INTS6: variants seen among roughly 807,000 people sequenced by gnomAD.
INTS6 encodes DEAD box protein.
Under a neutral mutation model 104.9 loss-of-function variants are expected in INTS6, and 16 were observed. The ratio of observed to expected loss-of-function variants is 0.15; its 90% CI spans 0.10 to 0.23. The LOEUF (loss-of-function observed/expected upper bound fraction) is 0.23. Among genes scored for constraint, INTS6 ranks in the 10% least tolerant of loss-of-function variants. INTS6 has a pLI of 1.00. For missense variants in INTS6, 584 were observed against 1,062.8 expected (o/e 0.55, Z 6.26); for synonymous variants, 324 against 358.7 (o/e 0.90, Z 1.09).
intron 15 of INTS6, among the ~76,000 whole-genome samples, chr13:51,371,961 T>C (rs1488059747): frequency 6.6e-6 from 1 of 152,160 alleles, no homozygotes; most frequent in Admixed American, 6.6e-5. Context: ...TTCTCAGTAA[T>C]TTTGTGCTGA....
At chr13:51,418,454 C>T (rs752644424) in intron 4 of INTS6, among the ~76,000 whole-genome samples, 2 of 151,628 alleles carry the variant, frequency 1.3e-5, no homozygotes, top group Non-Finnish European at 2.9e-5. Context: ...AGAAGGTTCT[C>T]CTCATATCAT....
At chr13:51,402,302 A>T (rs1359815940) in intron 4 of INTS6, among the ~76,000 whole-genome samples, 1 of 152,198 alleles carries the variant, frequency 6.6e-6, no homozygotes. Context: ...ATAAGATTGT[A>T]TGTTAGGAGA....
At position 51,365,504 on chromosome 13, in the gene INTS6, T is replaced by G. The variant is rs550409526; in HGVS notation, c.*248A>C. ...CAAGAGTCAATGACAAGCAAGAGAT[T>G]TGGAGGAATATTTTTAGTTTGTTAA... is the stretch of plus-strand genomic sequence containing the variant. On this transcript the variant is annotated 3_prime_UTR_variant, in exon 18 of 18. Coordinates refer to ENST00000311234, the MANE Select transcript of INTS6 (RefSeq NM_012141.3). The G allele has an allele frequency of 9.0e-6, 2 of 222,210 alleles. No individual in the cohort carries two copies. Among genetic ancestry groups the G allele is most frequent in the Non-Finnish European group, 1.8e-5 (2 of 111,424 alleles). The allele number at this position is 222,210 out of a possible 1,614,324, so 13.8% of individuals were successfully genotyped here. A position where few individuals can be genotyped will look rare whatever the true frequency, so the allele number is the denominator to read the frequency against.
At chr13:51,354,591 GA>G (rs11318595) in intron 3 of INTS6, among the ~76,000 whole-genome samples, 23,256 of 129,904 alleles carry the variant, frequency 0.18, 1,787 homozygotes, top group South Asian at 0.26. Context: ...CCCCATCTCA[GA>G]AAAAAAAAAA....
chr13:51,336,204 C>T, the INTS6 span, among the ~76,000 whole-genome samples: 1 of 152,162 alleles, frequency 6.6e-6, no homozygotes, highest in Non-Finnish European at 1.5e-5. Context: ...AAACATACTT[C>T]CAGTTGGATG....
chr13:51,340,778 G>T, the INTS6 span: 1,713 of 462,394 alleles, frequency 3.7e-3, 24 homozygotes, highest in African/African-American at 0.029. Context: ...CTTCTGATCT[G>T]ACCAGGGCTT....
chr13:51,430,053 T>C (rs1454597634), intron 4 of INTS6, among the ~76,000 whole-genome samples: 3 of 151,972 alleles, frequency 2.0e-5, no homozygotes, highest in Non-Finnish European at 2.9e-5. Context: ...CACCCTCACA[T>C]AAACTCATAA....
In INTS6 at chr13:51,402,359, G is replaced by A. The variant is rs115766760; in HGVS notation, c.430-6876C>T. Among the ~76,000 whole-genome samples the A allele has an allele frequency of 8.7e-3, 1,321 of 152,294 alleles. 20 individuals carry two copies. The highest frequency in any genetic ancestry group is 0.029 in the African/African-American group (1,224 of 41,562). Reference sequence around the variant, plus strand: ...CAAGTAACCCATGCTATATCATCAAGTCTGGAACATCTAGGGAGGGAGGAC... The same window carrying A: ...CAAGTAACCCATGCTATATCATCAAATCTGGAACATCTAGGGAGGGAGGAC... On this transcript the variant is annotated intron_variant, in intron 4 of 17. Coordinates refer to ENST00000311234, the MANE Select transcript of INTS6 (RefSeq NM_012141.3).
chr13:51,451,377 G>T (rs955969411), intron 2 of INTS6: 2 of 378,554 alleles, frequency 5.3e-6, no homozygotes, highest in Non-Finnish European at 9.4e-6. Flanking sequence ...GGTTTTGGTA[G>T]TTAACTGCCT....
chr13:51,452,551 C>T lies in INTS6; in HGVS notation c.-26G>A, dbSNP rs760321627. 1 of 1,606,600 alleles carries T rather than the reference C, an allele frequency of 6.2e-7. No individual in the cohort carries two copies. Among genetic ancestry groups the T allele is most frequent in the Non-Finnish European group, 8.5e-7 (1 of 1,175,736 alleles). On this transcript the variant is annotated 5_prime_UTR_variant, in exon 1 of 18. Coordinates refer to ENST00000311234, the MANE Select transcript of INTS6 (RefSeq NM_012141.3). This position sits in a 1 kb window ranked among gnomAD's most constrained non-coding sequence, Gnocchi z 4.2. The stretch of plus-strand genomic sequence containing the variant: ...AGTGCTGGCCGGGGACACCGGGGCC[C>T]GAGGTGGTGGAGAAAGAGGAGATGG...
the INTS6 span, chr13:51,344,470 T>A: frequency 6.3e-7 from 1 of 1,587,472 alleles, no homozygotes; most frequent in African/African-American, 1.3e-5. Flanking sequence ...CGAAGGGGCC[T>A]CCAGAGAGAC....
In INTS6 at chr13:51,363,618, G is replaced by C. The variant is rs1402722201; in HGVS notation, c.*2134C>G. 1 of 151,894 alleles carries C rather than the reference G, an allele frequency of 6.6e-6. No individual in the cohort carries two copies. The highest frequency in any genetic ancestry group is 1.5e-5 in the Non-Finnish European group (1 of 67,924). 9.4% of individuals were successfully genotyped at this position (151,894 alleles called of 1,614,324 possible). On this transcript the variant is annotated 3_prime_UTR_variant, in exon 18 of 18. Coordinates refer to ENST00000311234, the MANE Select transcript of INTS6 (RefSeq NM_012141.3). ...AAAAGACATGATGTTTCCCCTAGATGTATTTCCCTTCCCCTTTGACAATAA... is the reference window on the plus strand; with the variant it reads ...AAAAGACATGATGTTTCCCCTAGATCTATTTCCCTTCCCCTTTGACAATAA...
chr13:51,450,973 T>G (rs1953030641), intron 3 of INTS6, 52 bp downstream of exon 3: 2 of 1,448,442 alleles, frequency 1.4e-6, no homozygotes, highest in Admixed American at 2.6e-5. Flanking sequence ...TGGACTGTGT[T>G]TTTCCACAAA....
At chr13:51,400,381 T>C (rs934066547) in intron 4 of INTS6, among the ~76,000 whole-genome samples, 7 of 152,260 alleles carry the variant, frequency 4.6e-5, no homozygotes, top group African/African-American at 9.6e-5. Flanking sequence ...TAGTGCTTTT[T>C]GTTTCCTCAT....
At chr13:51,346,850 T>TA in the INTS6 span, among the ~76,000 whole-genome samples, 4 of 152,346 alleles carry the variant, frequency 2.6e-5, no homozygotes, top group Admixed American at 2.6e-4. Context: ...GACAGGGAAT[T>TA]AAATATTCTT....
At chr13:51,420,358 G>C (rs964277360) in intron 4 of INTS6, among the ~76,000 whole-genome samples, 3 of 148,620 alleles carry the variant, frequency 2.0e-5, no homozygotes, top group African/African-American at 7.4e-5. Context: ...TTAAGTCTTA[G>C]GACAAGCTTT....
At chr13:51,368,163 T>C (rs1273539339) in intron 16 of INTS6, among the ~76,000 whole-genome samples, 1 of 152,032 alleles carries the variant, frequency 6.6e-6, no homozygotes, top group African/African-American at 2.4e-5. Context: ...AAAGGATGAG[T>C]AAATAGCTTT....
At chr13:51,380,696 A>G (rs1295746385) in intron 10 of INTS6, among the ~76,000 whole-genome samples, 1 of 152,222 alleles carries the variant, frequency 6.6e-6, no homozygotes, top group Admixed American at 6.5e-5. Flanking sequence ...TTCCTGCATC[A>G]AAACAGAATA....
At chr13:51,409,604 A>AT (rs1029215185) in intron 4 of INTS6, among the ~76,000 whole-genome samples, 1 of 151,314 alleles carries the variant, frequency 6.6e-6, no homozygotes, top group African/African-American at 2.4e-5. Context: ...TATTATTTGT[A>AT]TTTTTTTTGT....
Sources: gnomAD v4.1 joint callset for allele counts (sites outside exome capture counted in the v4.1 genomes callset) on GRCh38, gnomAD v4.1.1 for gene constraint, Gnocchi (gnomAD v3.1) non-coding constraint, MANE v1.5 for transcripts, NCBI Gene and HGNC (gene_info 2026-07-23, HGNC 2026-07-21) for gene names.